The following SDHA variants were observed in gnomAD, a reference collection of about 807,000 sequenced individuals.
SDHA encodes the protein succinate dehydrogenase complex flavoprotein subunit A.
SDHA carries 48 observed loss-of-function variants against 78.4 expected under a neutral mutation model. The ratio of observed to expected loss-of-function variants is 0.61; its 90% CI spans 0.49 to 0.78. The LOEUF (loss-of-function observed/expected upper bound fraction) is 0.78, where lower values mean the gene tolerates loss of function less well. SDHA is among the 30% of genes least tolerant of loss of function. The probability of loss-of-function intolerance (pLI) is 0.00; values close to 1 mark genes in which losing one functional copy is unlikely to be tolerated. For synonymous variants in SDHA, 326 were observed against 353.9 expected, an observed-to-expected ratio of 0.92 and a Z score of 0.88; for missense variants, 680 against 892.7, an observed-to-expected ratio of 0.76 and a Z score of 3.04.
In SDHA at chr5:250,933, G is replaced by C. The variant is rs184440668; in HGVS notation, c.1552-59G>C. 17 of 1,444,374 alleles carry C rather than the reference G, an allele frequency of 1.2e-5. No individual in the cohort carries two copies. In the East Asian group the frequency reaches 3.9e-4, roughly 33 times the overall value. 89.5% of individuals were successfully genotyped at this position (1,444,374 alleles called of 1,614,324 possible). On this transcript the variant is annotated intron_variant, in intron 11 of 14. Coordinates refer to ENST00000264932, the MANE Select transcript of SDHA (RefSeq NM_004168.4). ...AAACAACAGGTCTAAAAGTTAAGCA[G>C]TTCTTGGTATGGCTGCTTCTATGGA...
chr5:234,277 G>A (rs1351461686), intron 8 of SDHA: 1 of 156,922 alleles, frequency 6.4e-6, no homozygotes, highest in African/African-American at 2.4e-5. Flanking sequence ...AAATTAGCCG[G>A]GCGTGATGGC....
At chr5:250,711 A>G in intron 11 of SDHA, 1 of 410,616 alleles carries the variant, frequency 2.4e-6, no homozygotes, top group East Asian at 5.5e-5. Flanking sequence ...CCTCACAGGC[A>G]GTCTGCTTGG....
intron 11 of SDHA, among the ~76,000 whole-genome samples, chr5:245,702 A>G (rs1393961090): frequency 6.6e-6 from 1 of 152,262 alleles, no homozygotes; most frequent in Non-Finnish European, 1.5e-5. Flanking sequence ...TTAGTAAATG[A>G]CATTACCATT....
At chr5:236,138 C>A in intron 9 of SDHA, 1 of 430,080 alleles carries the variant, frequency 2.3e-6, no homozygotes, top group Non-Finnish European at 4.4e-6. Flanking sequence ...GATTTTTCCG[C>A]CTCAGCCTCC....
At chr5:254,727 A>G (rs1236718717) in intron 14 of SDHA, among the ~76,000 whole-genome samples, 1 of 152,144 alleles carries the variant, frequency 6.6e-6, no homozygotes, top group Non-Finnish European at 1.5e-5. Context: ...GCCTTAAGGA[A>G]GGGTTGCTCC....
At chr5:257,784 T>A (rs572073326), downstream of SDHA, among the ~76,000 whole-genome samples, 2 of 73,024 alleles carry the variant, frequency 2.7e-5, no homozygotes, top group Admixed American at 1.3e-4. Flanking sequence ...GAGCATTACC[T>A]TGTGAGCTCC....
intron 10 of SDHA, among the ~76,000 whole-genome samples, chr5:238,678 G>T (rs554726201): frequency 6.6e-6 from 1 of 152,328 alleles, no homozygotes; most frequent in South Asian, 2.1e-4. Flanking sequence ...TAGAACTGAG[G>T]CTGGGTGCAG....
chr5:250,586 C>T (rs1736749220), intron 11 of SDHA: 1 of 340,442 alleles, frequency 2.9e-6, no homozygotes, highest in East Asian at 7.9e-5. Context: ...TGTGTATCAC[C>T]ACAGGGCTGC....
downstream of SDHA, among the ~76,000 whole-genome samples, chr5:257,422 A>C (rs1443667868): frequency 7.1e-6 from 1 of 139,906 alleles, no homozygotes; most frequent in Admixed American, 7.0e-5. Context: ...TGTGAACACC[A>C]CCTGTCAGAG....
At chr5:224,672 T>G in intron 3 of SDHA, 151 bp downstream of exon 3, 2 of 778,470 alleles carry the variant, frequency 2.6e-6, no homozygotes, top group Non-Finnish European at 2.2e-6. Flanking sequence ...CAGGGGTCTC[T>G]CCCTGGAGCC....
chr5:235,080 C>A, intron 8 of SDHA, 64 bp from the exon 9 acceptor site: 1 of 1,476,126 alleles, frequency 6.8e-7, no homozygotes, highest in Non-Finnish European at 9.5e-7. Flanking sequence ...TCCAAGATGA[C>A]GTATTCTCAG....
intron 6 of SDHA, among the ~76,000 whole-genome samples, chr5:229,784 A>G: frequency 6.6e-6 from 1 of 150,774 alleles, no homozygotes; most frequent in Non-Finnish European, 1.5e-5. Context: ...ATTATACAGC[A>G]TGGTGGCTAG....
chr5:229,680 T>A (rs1164355654), intron 6 of SDHA, among the ~76,000 whole-genome samples: 1 of 150,440 alleles, frequency 6.6e-6, no homozygotes, highest in Admixed American at 6.6e-5. Flanking sequence ...ACATGGTGGC[T>A]ATAGTTAACA....
Position 236,490 on chromosome 5 carries a change from C to T in SDHA, c.1323C>T (p.Ala441=), listed in dbSNP as rs751561561. The T allele has an allele frequency of 1.9e-5, 30 of 1,613,752 alleles. No homozygotes were observed. The highest frequency in any genetic ancestry group is 1.6e-4 in the Middle Eastern group (1 of 6,078). The change falls in exon 10 of 15, where the codon GCC becomes GCT. Residue 441 remains alanine, a synonymous_variant. Transcript: ENST00000264932. ...IVPGLYACGE[A]ACASVHGANR... The stretch of plus-strand genomic sequence containing the variant: ...CCGGCCTGTACGCCTGTGGGGAGGC[C>T]GCCTGTGCCTCGGTACATGGTGCCA...
chr5:265,786 C>T, the SDHA span, among the ~76,000 whole-genome samples: 5 of 151,668 alleles, frequency 3.3e-5, no homozygotes, highest in Non-Finnish European at 5.9e-5. Flanking sequence ...CGCCATTGCA[C>T]TCCAGCCTGG....
chr5:253,517 C>A (rs965758762), intron 13 of SDHA, among the ~76,000 whole-genome samples: 2 of 152,150 alleles, frequency 1.3e-5, no homozygotes, highest in Non-Finnish European at 2.9e-5. Flanking sequence ...CAGCTCACTG[C>A]AACCTCTGCC....
chr5:259,463 G>T, downstream of SDHA, among the ~76,000 whole-genome samples: 1 of 29,324 alleles, frequency 3.4e-5, no homozygotes, highest in Non-Finnish European at 6.5e-5. Flanking sequence ...TGTGAGCTCC[G>T]CCTCCTGCCA....
chr5:256,244 C>T, intron 14 of SDHA, 90 bp from the exon 15 acceptor site: 1 of 946,394 alleles, frequency 1.1e-6, no homozygotes, highest in Non-Finnish European at 1.7e-6. Flanking sequence ...CATAAATCTA[C>T]TTTTATAGTT....
Position 231,927 on chromosome 5 carries a change from G to A in SDHA, c.895+927G>A, listed in dbSNP as rs577837202. Among the ~76,000 whole-genome samples, 154 of 152,272 alleles carry A rather than the reference G, an allele frequency of 1.0e-3. 1 individual carries two copies. Among genetic ancestry groups the A allele is most frequent in the Non-Finnish European group, 1.9e-3 (130 of 68,008 alleles). On this transcript the variant is annotated intron_variant, in intron 7 of 14. Transcript: ENST00000264932. ...GAGCTCGTCTTGGGGACGTCTGACGGTTGAGGTTACGAATGTGCAATTCGG... is the reference window on the plus strand; with the variant it reads ...GAGCTCGTCTTGGGGACGTCTGACGATTGAGGTTACGAATGTGCAATTCGG...
Sources: allele counts gnomAD v4.1 joint callset (sites outside exome capture counted in the v4.1 genomes callset), GRCh38; gene constraint gnomAD v4.1.1; transcripts MANE v1.5; gene names NCBI Gene and HGNC (gene_info 2026-07-23, HGNC 2026-07-21).